Variants in DPH6 observed in about 807,000 individuals in gnomAD.
DPH6 encodes the protein diphthamine biosynthesis 6.
DPH6 carries 33 observed loss-of-function variants against 38.2 expected under a neutral mutation model. The ratio of observed to expected loss-of-function variants is 0.86; its 90% CI spans 0.65 to 1.15. The LOEUF (loss-of-function observed/expected upper bound fraction) is 1.15. Ranked by LOEUF, DPH6 falls within the 50% of genes most tolerant of loss-of-function variation. DPH6 has a pLI of 0.00. For synonymous variants in DPH6, 108 were observed against 103.0 expected (o/e 1.05, Z -0.30); for missense variants, 325 against 320.0 (o/e 1.02, Z -0.12).
chr15:35,221,147 T>C (rs1252157288), intron 3 of DPH6, among the ~76,000 whole-genome samples: 1 of 152,218 alleles, frequency 6.6e-6, no homozygotes, highest in East Asian at 1.9e-4. Flanking sequence ...CTTGACTCCA[T>C]GTCCTGCCTC....
Position 35,346,971 on chromosome 15 carries a change from AT to A in DPH6, n.208-15895del, listed in dbSNP as rs901115997. 6.6e-5 allele frequency among the ~76,000 whole-genome samples: 10 copies of A among 151,912 alleles called. No homozygotes were observed. The East Asian group carries it at 1.2e-3, about 18-fold the overall frequency. ...ACAATAAAATTTACCCTTTAAAAAA[AT>A]TTTTTTTGTTACCCTCCCCTCTCAG... On this transcript the variant is annotated intron_variant and non_coding_transcript_variant, in intron 3 of 3. Transcript: ENST00000558973.
downstream of DPH6, among the ~76,000 whole-genome samples, chr15:35,213,016 A>C (rs971035477): frequency 2.6e-5 from 4 of 152,252 alleles, no homozygotes; most frequent in African/African-American, 9.6e-5. Flanking sequence ...ATATTAAAGA[A>C]ATTCATTTGC....
chr15:35,495,821 C>T (rs1181763534), intron 3 of DPH6, among the ~76,000 whole-genome samples: 1 of 152,072 alleles, frequency 6.6e-6, no homozygotes, highest in Non-Finnish European at 1.5e-5. Flanking sequence ...TAAAGCTGCA[C>T]TAATTTAAAA....
chr15:35,173,157 A>G, the DPH6 span, among the ~76,000 whole-genome samples: 5 of 152,188 alleles, frequency 3.3e-5, no homozygotes, highest in Admixed American at 3.3e-4. Context: ...GGCTATTTCA[A>G]CAAGATACTT....
chr15:35,497,093 T>C (rs1372870631), intron 3 of DPH6, among the ~76,000 whole-genome samples: 1 of 151,622 alleles, frequency 6.6e-6, no homozygotes, highest in African/African-American at 2.4e-5. Context: ...TTTTATGTTT[T>C]AGATAGTTTA....
At chr15:35,166,361 T>C in the DPH6 span, among the ~76,000 whole-genome samples, 3 of 152,002 alleles carry the variant, frequency 2.0e-5, no homozygotes, top group Non-Finnish European at 4.4e-5. Flanking sequence ...AGCATAACAA[T>C]GGTCAGATAT....
At chr15:35,272,832 G>A (rs553551727) in intron 3 of DPH6, among the ~76,000 whole-genome samples, 4 of 151,738 alleles carry the variant, frequency 2.6e-5, no homozygotes, top group Admixed American at 2.0e-4. Context: ...GCTTGAACCC[G>A]GGAGGCAGAG....
chr15:35,153,627 T>C, the DPH6 span, among the ~76,000 whole-genome samples: 1 of 151,984 alleles, frequency 6.6e-6, no homozygotes. Context: ...AGTATGTAAG[T>C]TTGACCCTTG....
intron 5 of DPH6, among the ~76,000 whole-genome samples, chr15:35,443,023 C>G (rs146098814): frequency 2.6e-4 from 40 of 152,258 alleles, no homozygotes; most frequent in African/African-American, 9.4e-4. Context: ...AAGTGGGTGA[C>G]ATGCATAGTG....
rs866951099 is a variant in DPH6 at position 35,507,594 on chromosome 15, A to G, written c.312+30680T>C. On this transcript the variant is annotated intron_variant, in intron 3 of 8. Coordinates refer to ENST00000256538, the MANE Select transcript of DPH6 (RefSeq NM_080650.4). ...AATTTTTCATTAAAATTTCAAAGTAAAAAGAACTAAATTAAAACATTTATC... is the reference window on the plus strand; with the variant it reads ...AATTTTTCATTAAAATTTCAAAGTAGAAAGAACTAAATTAAAACATTTATC... 1.4e-4 allele frequency among the ~76,000 whole-genome samples: 22 copies of G among 152,254 alleles called. No homozygotes were observed. In the East Asian group the frequency reaches 1.5e-3, roughly 11 times the overall value.
chr15:35,451,282 A>G (rs180786263), intron 4 of DPH6, among the ~76,000 whole-genome samples: 3 of 152,308 alleles, frequency 2.0e-5, no homozygotes, highest in East Asian at 1.9e-4. Flanking sequence ...ATAGTAAGAA[A>G]AAAAGTACAA....
chr15:35,384,893 G>A (rs979567087), intron 6 of DPH6, among the ~76,000 whole-genome samples: 8 of 151,804 alleles, frequency 5.3e-5, no homozygotes, highest in African/African-American at 1.7e-4. Flanking sequence ...CTAATATCCA[G>A]AATCTACAAG....
At chr15:35,199,725 G>C in the DPH6 span, among the ~76,000 whole-genome samples, 2 of 151,866 alleles carry the variant, frequency 1.3e-5, no homozygotes, top group African/African-American at 4.8e-5. Flanking sequence ...AAAGAATGGG[G>C]ATATTTGACT....
In DPH6 at chr15:35,306,962, G is replaced by A. The variant is rs1246369052; in HGVS notation, n.200+66559C>T. Among the ~76,000 whole-genome samples, 3 of 152,162 alleles carry A rather than the reference G, an allele frequency of 2.0e-5. No individual in the cohort carries two copies. In the South Asian group the frequency reaches 6.2e-4, roughly 31 times the overall value. ...AGTTTCAGAGCGAGGTGGCCGAGAGGAAAGAGAGCATTTCAGGGATAAAGA... is the reference window on the plus strand; with the variant it reads ...AGTTTCAGAGCGAGGTGGCCGAGAGAAAAGAGAGCATTTCAGGGATAAAGA... On this transcript the variant is annotated intron_variant and non_coding_transcript_variant, in intron 3 of 3. Coordinates refer to the DPH6 transcript ENST00000560386.
chr15:35,451,926 C>T (rs1349714962), intron 4 of DPH6, among the ~76,000 whole-genome samples: 2 of 152,156 alleles, frequency 1.3e-5, no homozygotes, highest in African/African-American at 2.4e-5. Context: ...AGGAGAATGG[C>T]GTGAACCTGG....
the DPH6 span, among the ~76,000 whole-genome samples, chr15:35,193,855 A>G: frequency 6.6e-6 from 1 of 152,216 alleles, no homozygotes; most frequent in East Asian, 1.9e-4. Context: ...AAGGGAAGAC[A>G]GAACACAATA....
intron 3 of DPH6, among the ~76,000 whole-genome samples, chr15:35,472,121 T>C (rs1337833659): frequency 6.6e-6 from 1 of 152,038 alleles, no homozygotes; most frequent in African/African-American, 2.4e-5. Context: ...AAAAATAAAG[T>C]TGAACTTTAT....
intron 3 of DPH6, among the ~76,000 whole-genome samples, chr15:35,354,285 C>T (rs1294670967): frequency 6.6e-6 from 1 of 152,090 alleles, no homozygotes; most frequent in Admixed American, 6.5e-5. Flanking sequence ...CTTCTCCTGC[C>T]TGATTGCCCT....
chr15:35,182,214 C>G, the DPH6 span, among the ~76,000 whole-genome samples: 1 of 117,604 alleles, frequency 8.5e-6, no homozygotes, highest in Non-Finnish European at 1.7e-5. Context: ...CTGGACAACT[C>G]TAAGAATTTT....
Sources: gnomAD v4.1 joint callset for allele counts (sites outside exome capture counted in the v4.1 genomes callset) on GRCh38, gnomAD v4.1.1 for gene constraint, MANE v1.5 for transcripts, NCBI Gene and HGNC (gene_info 2026-07-23, HGNC 2026-07-21) for gene names.